Variants in BTAF1 observed in about 807,000 individuals in gnomAD.
The protein encoded by BTAF1 is B-TFIID TATA-box binding protein associated factor 1.
In BTAF1, 38 loss-of-function variants were observed where a neutral mutation model predicts 227.1. The ratio of observed to expected loss-of-function variants is 0.17; its 90% CI spans 0.13 to 0.22. The LOEUF is 0.22. BTAF1 is among the 10% of genes least tolerant of loss of function. The probability of loss-of-function intolerance (pLI) is 1.00; values close to 1 mark genes in which losing one functional copy is unlikely to be tolerated. For synonymous variants in BTAF1, 742 were observed against 751.9 expected (o/e 0.99, Z 0.21); for missense variants, 1,598 against 2,204.0 (o/e 0.73, Z 5.51).
rs1363917226 is a variant in BTAF1, at chr10:91,989,491, A to T, written c.2765A>T (p.Asn922Ile). 1 of 1,613,438 alleles carries T rather than the reference A, an allele frequency of 6.2e-7. No individual in the cohort carries two copies. Among genetic ancestry groups the T allele is most frequent in the African/African-American group, 1.3e-5 (1 of 74,790 alleles). Residue 922 changes from asparagine to isoleucine, a missense_variant, in exon 20 of 38, where the codon AAC (asparagine) becomes ATC (isoleucine). Coordinates refer to ENST00000265990, the MANE Select transcript of BTAF1 (RefSeq NM_003972.3). ...TGTCCCAATTCAAAAATTATTAAAA[A>T]CCTCTGTAGCTCACTTTGTGTGGAC... The part of the protein sequence containing the change: ...TPCPNSKIIK[N>I]LCSSLCVDPY...
intron 14 of BTAF1, among the ~76,000 whole-genome samples, chr10:91,977,085 A>T (rs1185987837): frequency 6.6e-6 from 1 of 152,166 alleles, no homozygotes; most frequent in Non-Finnish European, 1.5e-5. Flanking sequence ...AGTATGTGTA[A>T]CTCTGGAGGC....
chr10:91,942,276 C>G lies in BTAF1; in HGVS notation c.254-146C>G, dbSNP rs567136049. ...TGCAGCCTGGGCAACAGAGCAAGAC[C>G]TCACTTCTTAAAAAAAAAAGTTTGT... On this transcript the variant is annotated intron_variant, in intron 3 of 37. Coordinates refer to ENST00000265990, the MANE Select transcript of BTAF1 (RefSeq NM_003972.3). The G allele has an allele frequency of 1.5e-5, 10 of 645,922 alleles. No homozygotes were observed. The South Asian group carries it at 2.0e-4, about 13-fold the overall frequency. The allele number at this position is 645,922 out of a possible 1,614,324, so 40.0% of individuals were successfully genotyped here.
At chr10:91,993,536 A>C (rs1472424269) in intron 21 of BTAF1, among the ~76,000 whole-genome samples, 158 bp from the exon 22 acceptor site, 1 of 152,254 alleles carries the variant, frequency 6.6e-6, no homozygotes, top group Non-Finnish European at 1.5e-5. Flanking sequence ...TTATTGGGAA[A>C]TGTTTATAAT....
At chr10:91,936,595 A>G (rs774065690) in intron 2 of BTAF1, among the ~76,000 whole-genome samples, 1 of 152,186 alleles carries the variant, frequency 6.6e-6, no homozygotes, top group Non-Finnish European at 1.5e-5. Flanking sequence ...TCTCTTTCCA[A>G]CATAATTCCC....
intron 19 of BTAF1, among the ~76,000 whole-genome samples, chr10:91,987,654 A>C (rs773125287): frequency 6.6e-6 from 1 of 151,990 alleles, no homozygotes; most frequent in Non-Finnish European, 1.5e-5. Flanking sequence ...TTTTTGTGCC[A>C]CCCTGAACAT....
chr10:91,957,223 A>G lies in BTAF1; in HGVS notation c.832-2A>G. 1 of 1,611,924 alleles carries G rather than the reference A, an allele frequency of 6.2e-7. No homozygotes were observed. The highest frequency in any genetic ancestry group is 8.5e-7 in the Non-Finnish European group (1 of 1,178,500). On this transcript the variant is annotated splice_acceptor_variant, in intron 7 of 37. Coordinates refer to ENST00000265990, the MANE Select transcript of BTAF1 (RefSeq NM_003972.3). LOFTEE classifies it high-confidence loss of function. Reference sequence around the variant, plus strand: ...AGTAGTAATTCTGTTTTTCTTATTCAGACAAATGAATGGCCTTTGGAAAGC... The same window carrying G: ...AGTAGTAATTCTGTTTTTCTTATTCGGACAAATGAATGGCCTTTGGAAAGC...
intron 14 of BTAF1, among the ~76,000 whole-genome samples, chr10:91,980,215 A>C (rs941015931): frequency 7.9e-5 from 12 of 152,158 alleles, no homozygotes; most frequent in African/African-American, 2.9e-4. Flanking sequence ...TGTTAATGAT[A>C]ATCAGACTTT....
chr10:91,933,492 G>GTATT (rs1844404255), intron 1 of BTAF1, among the ~76,000 whole-genome samples: 1 of 152,146 alleles, frequency 6.6e-6, no homozygotes, highest in Non-Finnish European at 1.5e-5. Context: ...CATATTAAGA[G>GTATT]TATTAAGAAT....
intron 14 of BTAF1, among the ~76,000 whole-genome samples, chr10:91,978,814 GTTTTTTT>G (rs145477284): frequency 1.1e-5 from 1 of 89,866 alleles, no homozygotes; most frequent in African/African-American, 4.5e-5. Context: ...TTTATGGCTT[GTTTTTTT>G]TTTTTTTTTT....
intron 25 of BTAF1, among the ~76,000 whole-genome samples, chr10:92,002,814 G>A (rs1849636127): frequency 6.6e-6 from 1 of 152,056 alleles, no homozygotes; most frequent in Non-Finnish European, 1.5e-5. Context: ...TAGGACAGTA[G>A]TTCTCAAATT....
intron 1 of BTAF1, among the ~76,000 whole-genome samples, chr10:91,927,223 C>A (rs1035498131): frequency 5.9e-5 from 9 of 151,798 alleles, no homozygotes; most frequent in Non-Finnish European, 1.2e-4. Flanking sequence ...ACCATAACCT[C>A]CACCTCCCGG....
chr10:91,950,161 GAAA>G (rs1361551443), intron 4 of BTAF1, among the ~76,000 whole-genome samples: 4 of 68,544 alleles, frequency 5.8e-5, no homozygotes, highest in African/African-American at 7.4e-5. Flanking sequence ...GGGGGGGCGG[GAAA>G]GAAGACTAGG....
Position 91,954,002 on chromosome 10 carries a change from C to T in BTAF1, c.701+129C>T, listed in dbSNP as rs1445312370. Reference sequence around the variant, plus strand: ...GGAGTACTGTTTGGATTCTCTTACTCAATTGTCAGAGAGTATTCATTGTAC... The same window carrying T: ...GGAGTACTGTTTGGATTCTCTTACTTAATTGTCAGAGAGTATTCATTGTAC... On this transcript the variant is annotated intron_variant, in intron 6 of 37. Coordinates refer to ENST00000265990, the MANE Select transcript of BTAF1 (RefSeq NM_003972.3). The T allele has an allele frequency of 3.2e-5, 40 of 1,252,218 alleles. No homozygotes were observed. In the East Asian group the frequency reaches 9.5e-4, roughly 30 times the overall value. The allele number at this position is 1,252,218 out of a possible 1,614,324, so 77.6% of individuals were successfully genotyped here.
Position 92,013,976 on chromosome 10 carries a change from G to T in BTAF1, c.4531G>T (p.Asp1511Tyr). ...LRRMKEDVLQ[D>Y]LPPKIIQDYY... The stretch of plus-strand genomic sequence containing the variant: ...AAGAATGAAAGAAGATGTTTTGCAG[G>T]ATCTTCCACCTAAAATTATTCAAGA... Residue 1511 changes from aspartate to tyrosine, a missense_variant, in exon 32 of 38, where the codon GAT (aspartate) becomes TAT (tyrosine). Physicochemically the swap from Asp to Tyr is radical, Grantham distance 160. Transcript: ENST00000265990. 1 of 1,613,614 alleles carries T rather than the reference G, an allele frequency of 6.2e-7. No individual in the cohort carries two copies. Among genetic ancestry groups the T allele is most frequent in the South Asian group, 1.1e-5 (1 of 91,058 alleles).
At chr10:91,995,664 A>G (rs1176363790) in intron 23 of BTAF1, among the ~76,000 whole-genome samples, 1 of 151,716 alleles carries the variant, frequency 6.6e-6, no homozygotes, top group African/African-American at 2.4e-5. Flanking sequence ...CGACAGAGCG[A>G]GACTCAGTCT....
intron 2 of BTAF1, 112 bp from the exon 3 acceptor site, chr10:91,939,840 G>T: frequency 1.6e-6 from 1 of 606,278 alleles, no homozygotes; most frequent in South Asian, 2.3e-5. Context: ...ATATGTATTT[G>T]GATGGCTGCC....
At chr10:91,930,931 A>G (rs1844237917) in intron 1 of BTAF1, among the ~76,000 whole-genome samples, 1 of 152,188 alleles carries the variant, frequency 6.6e-6, no homozygotes, top group Non-Finnish European at 1.5e-5. Flanking sequence ...CTAATTTATC[A>G]GAGAGGTTAA....
intron 14 of BTAF1, among the ~76,000 whole-genome samples, chr10:91,968,445 A>G (rs554326198): frequency 2.0e-5 from 3 of 152,196 alleles, no homozygotes; most frequent in Non-Finnish European, 4.4e-5. Flanking sequence ...TTTGCCTTCT[A>G]AGGACATCTT....
At chr10:91,947,043 G>A (rs1004330753) in intron 4 of BTAF1, among the ~76,000 whole-genome samples, 2 of 151,906 alleles carry the variant, frequency 1.3e-5, no homozygotes, top group South Asian at 2.1e-4. Context: ...GGGTTTCACT[G>A]TTGTGGCCAG....
Sources: gnomAD v4.1 joint callset for allele counts (sites outside exome capture counted in the v4.1 genomes callset) on GRCh38, gnomAD v4.1.1 for gene constraint, MANE v1.5 for transcripts, NCBI Gene and HGNC (gene_info 2026-07-23, HGNC 2026-07-21) for gene names.